Variants in GREB1L observed in about 807,000 individuals in gnomAD.
GREB1L encodes the protein GREB1-like protein.
In GREB1L, 17 loss-of-function variants were observed where a neutral mutation model predicts 200.8. That is an observed-to-expected ratio of 0.08 (90% CI 0.06 to 0.13). GREB1L has a LOEUF of 0.13. GREB1L is among the 10% of genes least tolerant of loss of function. GREB1L has a pLI of 1.00. For synonymous variants in GREB1L, 789 were observed against 893.0 expected (o/e 0.88, Z 2.08); for missense variants, 1,657 against 2,367.7 (o/e 0.70, Z 6.23).
intron 1 of GREB1L, among the ~76,000 whole-genome samples, chr18:21,305,102 A>C (rs1262039709): frequency 2.6e-5 from 4 of 151,826 alleles, no homozygotes; most frequent in African/African-American, 9.7e-5. Context: ...CAGCCTCCCG[A>C]GTAGCTGGGA....
intron 8 of GREB1L, 40 bp from the exon 9 acceptor site, chr18:21,440,229 C>A: frequency 6.5e-7 from 1 of 1,548,470 alleles, no homozygotes; most frequent in Admixed American, 2.0e-5. Flanking sequence ...TGGCTGAGAA[C>A]AAGACTATCT....
At position 21,421,814 on chromosome 18, in the gene GREB1L, G is replaced by A. The variant is rs2032173908; in HGVS notation, c.833-17707G>A. 3.9e-5 allele frequency among the ~76,000 whole-genome samples: 6 copies of A among 152,128 alleles called. No individual in the cohort carries two copies. The South Asian group carries it at 1.2e-3, about 32-fold the overall frequency. On this transcript the variant is annotated intron_variant, in intron 7 of 32. Coordinates refer to ENST00000424526, the MANE Select transcript of GREB1L (RefSeq NM_001142966.3). ...CAAACTCTCTACTGGCTACGTAATT[G>A]GCTCCCTATGTTTTGGAAGATTTTT...
intron 1 of GREB1L, among the ~76,000 whole-genome samples, chr18:21,363,287 G>GC (rs1224570798): frequency 0.01 from 83 of 8,278 alleles, 1 homozygote; most frequent in South Asian, 0.035. Context: ...CCTCCCCCCC[G>GC]CCCCCCCCCC....
chr18:21,491,164 G>C (rs747065743), intron 19 of GREB1L, among the ~76,000 whole-genome samples: 1 of 152,154 alleles, frequency 6.6e-6, no homozygotes, highest in Non-Finnish European at 1.5e-5. Flanking sequence ...CCACCTACAT[G>C]TCGGTATGGA....
At chr18:21,306,926 T>C (rs1936242290) in intron 1 of GREB1L, among the ~76,000 whole-genome samples, 1 of 152,238 alleles carries the variant, frequency 6.6e-6, no homozygotes, top group Middle Eastern at 3.2e-3. Context: ...AATTAAAAGA[T>C]GGTGATATGT....
Position 21,384,215 on chromosome 18 carries a change from C to G in GREB1L, c.167C>G (p.Pro56Arg). Reference sequence around the variant, plus strand: ...TTATTTGCTTACCCAGATGTCAAACCCAAGGTGGAGGATCTGGACAAAGAT... The same window carrying G: ...TTATTTGCTTACCCAGATGTCAAACGCAAGGTGGAGGATCTGGACAAAGAT... ...QHPFSSADVK[P>R]KVEDLDKDLV... Residue 56 changes from proline to arginine, a missense_variant, in exon 4 of 33, where the codon CCC becomes CGC. Transcript: ENST00000424526. 6.5e-7 allele frequency: 1 copy of G among 1,548,938 alleles called. No individual in the cohort carries two copies. Among genetic ancestry groups the G allele is most frequent in the Non-Finnish European group, 8.7e-7 (1 of 1,144,952 alleles).
At chr18:21,484,454 T>C (rs1414661066) in intron 17 of GREB1L, among the ~76,000 whole-genome samples, 1 of 152,162 alleles carries the variant, frequency 6.6e-6, no homozygotes, top group Non-Finnish European at 1.5e-5. Context: ...TCTTATTACA[T>C]TTTTTAAAGC....
intron 1 of GREB1L, among the ~76,000 whole-genome samples, chr18:21,327,328 C>A (rs1441310715): frequency 6.6e-6 from 1 of 152,100 alleles, no homozygotes; most frequent in Admixed American, 6.5e-5. Context: ...TCCCAGTTAT[C>A]CTAGGCTTCC....
chr18:21,331,238 T>C (rs1232608401), intron 1 of GREB1L, among the ~76,000 whole-genome samples: 1 of 152,170 alleles, frequency 6.6e-6, no homozygotes, highest in African/African-American at 2.4e-5. Context: ...TGGGGCCCTA[T>C]CAATCATGCA....
At chr18:21,355,881 T>G (rs1370980633) in intron 1 of GREB1L, among the ~76,000 whole-genome samples, 1 of 152,134 alleles carries the variant, frequency 6.6e-6, no homozygotes, top group Non-Finnish European at 1.5e-5. Context: ...AACTTATAAA[T>G]GTTTTTGTAA....
At chr18:21,296,084 C>T (rs1307752786) in intron 1 of GREB1L, among the ~76,000 whole-genome samples, 2 of 151,988 alleles carry the variant, frequency 1.3e-5, no homozygotes, top group Non-Finnish European at 2.9e-5. Context: ...GAGTGTATAC[C>T]CAAAGGAATA....
chr18:21,516,608 T>C lies in GREB1L; in HGVS notation c.5130-5T>C, dbSNP rs1334801282. 10 of 1,551,216 alleles carry C rather than the reference T, an allele frequency of 6.4e-6. No individual in the cohort carries two copies. The highest frequency in any genetic ancestry group is 7.8e-6 in the Non-Finnish European group (9 of 1,146,588). On this transcript the variant is annotated splice_polypyrimidine_tract_variant and splice_region_variant and intron_variant, in intron 29 of 32. Transcript: ENST00000424526. ...AAGAAAACTATTGTTGTGGTTACAA[T>C]TTAGGTATTTCTGTGAAGATGCTGA...
chr18:21,445,288 A>T (rs1210275716), intron 11 of GREB1L, among the ~76,000 whole-genome samples: 1 of 152,240 alleles, frequency 6.6e-6, no homozygotes, highest in Non-Finnish European at 1.5e-5. Context: ...CAGCCTGACC[A>T]ACATGGAGAA....
intron 1 of GREB1L, among the ~76,000 whole-genome samples, chr18:21,283,837 A>G (rs1343863706): frequency 6.6e-6 from 1 of 152,226 alleles, no homozygotes; most frequent in African/African-American, 2.4e-5. Context: ...CAAGCCCAGG[A>G]TCAACTTGGT....
At chr18:21,513,585 A>G (rs1214482417) in intron 27 of GREB1L, among the ~76,000 whole-genome samples, 1 of 152,222 alleles carries the variant, frequency 6.6e-6, no homozygotes, top group Non-Finnish European at 1.5e-5. Flanking sequence ...TCTGGCCCTT[A>G]CACCATACCG....
intron 7 of GREB1L, among the ~76,000 whole-genome samples, chr18:21,408,578 C>T (rs2570959): frequency 0.56 from 84,864 of 151,714 alleles, 26,406 homozygotes; most frequent in African/African-American, 0.85. Context: ...GTGGATCATC[C>T]GAGGTCAGAA....
At chr18:21,475,027 CAG>C (rs1191505177) in intron 16 of GREB1L, among the ~76,000 whole-genome samples, 6 of 152,290 alleles carry the variant, frequency 3.9e-5, no homozygotes, top group African/African-American at 1.2e-4. Flanking sequence ...GGTGGGGAAA[CAG>C]AGCCAAACCA....
chr18:21,253,399 T>C (rs1255228264), intron 1 of GREB1L, among the ~76,000 whole-genome samples: 1 of 151,928 alleles, frequency 6.6e-6, no homozygotes, highest in Non-Finnish European at 1.5e-5. Context: ...TACAGGCATG[T>C]GCCACCATGC....
chr18:21,504,504 C>G (rs535902052), intron 23 of GREB1L, among the ~76,000 whole-genome samples: 3 of 152,328 alleles, frequency 2.0e-5, no homozygotes, highest in African/African-American at 7.2e-5. Flanking sequence ...TCACTGCATT[C>G]TAGCCTGAGT....
Sources: gnomAD v4.1 joint callset for allele counts (sites outside exome capture counted in the v4.1 genomes callset) on GRCh38, gnomAD v4.1.1 for gene constraint, MANE v1.5 for transcripts, NCBI Gene and HGNC (gene_info 2026-07-23, HGNC 2026-07-21) for gene names.